The following DOCK7 variants were observed in gnomAD, a reference collection of about 807,000 sequenced individuals.
The protein encoded by DOCK7 is dedicator of cytokinesis 7.
In DOCK7, 138 loss-of-function variants were observed where a neutral mutation model predicts 271.0. The ratio of observed to expected loss-of-function variants is 0.51; its 90% CI spans 0.44 to 0.59. The LOEUF (loss-of-function observed/expected upper bound fraction) is 0.59. Among genes scored for constraint, DOCK7 ranks in the 20% least tolerant of loss-of-function variants. The pLI is 0.00. For missense variants in DOCK7, 2,066 were observed against 2,592.4 expected (o/e 0.80, Z 4.41); for synonymous variants, 823 against 876.1 (o/e 0.94, Z 1.07).
intron 14 of DOCK7, chr1:62,607,871 CAG>C (rs1651225872): frequency 6.6e-6 from 1 of 152,104 alleles, no homozygotes; most frequent in Non-Finnish European, 1.5e-5. Context: ...TGCTTGAACC[CAG>C]GAGTCCAAGA....
At chr1:62,593,933 T>C (rs1398761017) in intron 14 of DOCK7, among the ~76,000 whole-genome samples, 1 of 152,170 alleles carries the variant, frequency 6.6e-6, no homozygotes, top group African/African-American at 2.4e-5. Flanking sequence ...TTGAAAGACA[T>C]ATCTCCATAA....
At chr1:62,667,986 C>T (rs1224320517) in intron 1 of DOCK7, among the ~76,000 whole-genome samples, 1 of 152,118 alleles carries the variant, frequency 6.6e-6, no homozygotes. Flanking sequence ...TGCCACTACA[C>T]TCCAGCCTGG....
intron 22 of DOCK7, among the ~76,000 whole-genome samples, chr1:62,546,202 C>T (rs571523178): frequency 1.3e-5 from 2 of 152,178 alleles, no homozygotes; most frequent in East Asian, 1.9e-4. Context: ...AAATGTGCAG[C>T]GCCCTACCTT....
chr1:62,503,918 G>T (rs2149319094), intron 37 of DOCK7, among the ~76,000 whole-genome samples: 1 of 152,060 alleles, frequency 6.6e-6, no homozygotes, highest in Admixed American at 6.5e-5. Flanking sequence ...GTGGTGGCGG[G>T]CACCTGTAAT....
At chr1:62,503,535 T>C (rs1457243063) in intron 37 of DOCK7, among the ~76,000 whole-genome samples, 2 of 151,784 alleles carry the variant, frequency 1.3e-5, no homozygotes, top group Non-Finnish European at 2.9e-5. Context: ...ACTCCTGGGC[T>C]CAAAGGGATC....
chr1:62,647,824 AACTC>A, intron 6 of DOCK7, 48 bp from the exon 7 acceptor site: 1 of 1,332,056 alleles, frequency 7.5e-7, no homozygotes, highest in Non-Finnish European at 1.1e-6. Flanking sequence ...ATCATATTCC[AACTC>A]TTTATCTTTT....
chr1:62,544,285 C>T (rs1168020), intron 23 of DOCK7, among the ~76,000 whole-genome samples: 88,686 of 151,978 alleles, frequency 0.58, 27,542 homozygotes, highest in East Asian at 0.76. Flanking sequence ...CCCTCCAAAG[C>T]CAACACAGAT....
At chr1:62,670,350 T>C (rs1275798281) in intron 1 of DOCK7, among the ~76,000 whole-genome samples, 1 of 152,250 alleles carries the variant, frequency 6.6e-6, no homozygotes, top group Non-Finnish European at 1.5e-5. Context: ...CCAGCTGGGC[T>C]CCTGAGTCTG....
At chr1:62,457,485 C>T (rs1571159852) in intron 49 of DOCK7, 53 bp downstream of exon 49, 1 of 1,544,472 alleles carries the variant, frequency 6.5e-7, no homozygotes, top group East Asian at 2.2e-5. Context: ...ACTAGTTTAA[C>T]ATGTTAGGTT....
At chr1:62,466,068 A>G (rs1481895949) in intron 48 of DOCK7, among the ~76,000 whole-genome samples, 3 of 152,216 alleles carry the variant, frequency 2.0e-5, no homozygotes, top group Non-Finnish European at 2.9e-5. Context: ...AAATGCCAGT[A>G]AACAGGAGAG....
rs1651384067 is a variant in DOCK7 at position 62,608,864 on chromosome 1, T to TGG, written c.1682+9841_1682+9842insCC. 5.9e-5 allele frequency: 9 copies of TGG among 152,180 alleles called. No individual in the cohort carries two copies. The South Asian group carries it at 1.9e-3, about 32-fold the overall frequency. 9.4% of individuals were successfully genotyped at this position (152,180 alleles called of 1,614,324 possible). ...TCATGGAAGTCAACTAACTCATTCATTAATTTTAGAAATGGTATTCATTAA... is the reference window on the plus strand; with the variant it reads ...TCATGGAAGTCAACTAACTCATTCATGGTAATTTTAGAAATGGTATTCATTAA... On this transcript the variant is annotated intron_variant, in intron 14 of 49. Transcript: ENST00000635253.
At chr1:62,548,167 T>C (rs991720697) in intron 22 of DOCK7, among the ~76,000 whole-genome samples, 1 of 148,214 alleles carries the variant, frequency 6.7e-6, no homozygotes, top group Non-Finnish European at 1.5e-5. Flanking sequence ...AAAATCAACA[T>C]AAGAATAATT....
At chr1:62,675,591 G>T (rs994073280) in intron 1 of DOCK7, among the ~76,000 whole-genome samples, 4 of 151,984 alleles carry the variant, frequency 2.6e-5, no homozygotes, top group Admixed American at 6.6e-5. Context: ...GACCATCCTG[G>T]CTAATGTGGT....
rs563282649 is a variant in DOCK7, at chr1:62,668,033, AAAATAAAT to A, written c.39-4911_39-4904del. Reference sequence around the variant, plus strand: ...AGACTCCGTCTCAAAAAAACAAAATAAAATAAATAAATAAATAAATAGAAAGAAAACAA... The same window carrying A: ...AGACTCCGTCTCAAAAAAACAAAATAAAATAAATAAATAGAAAGAAAACAA... On this transcript the variant is annotated intron_variant, in intron 1 of 49. Coordinates refer to ENST00000635253, the MANE Select transcript of DOCK7 (RefSeq NM_001367561.1). 4.6e-5 allele frequency among the ~76,000 whole-genome samples: 7 copies of A among 152,210 alleles called. No homozygotes were observed. In the South Asian group the frequency reaches 1.2e-3, roughly 27 times the overall value.
In DOCK7 at chr1:62,513,078, G is replaced by A. The variant is rs1274879958; in HGVS notation, c.4282+366C>T. Among the ~76,000 whole-genome samples the A allele has an allele frequency of 3.3e-5, 5 of 152,024 alleles. No homozygotes were observed. The South Asian group carries it at 6.3e-4, about 19-fold the overall frequency. On this transcript the variant is annotated intron_variant, in intron 33 of 49. Coordinates refer to ENST00000635253, the MANE Select transcript of DOCK7 (RefSeq NM_001367561.1). ...GGCTACGCATACTAAGGGGTATATG[G>A]GAAATCTCTGTACCTTTGCTCACTT...
intron 18 of DOCK7, among the ~76,000 whole-genome samples, chr1:62,573,728 T>G (rs1293495137): frequency 1.3e-5 from 2 of 152,162 alleles, no homozygotes; most frequent in Admixed American, 1.3e-4. Flanking sequence ...CACTTAAAAT[T>G]AAAATGATAA....
chr1:62,636,435 CTA>C, intron 8 of DOCK7, 100 bp downstream of exon 8: 1 of 816,378 alleles, frequency 1.2e-6, no homozygotes, highest in South Asian at 1.8e-5. Context: ...TTAAAAAGAT[CTA>C]TGTTTAACAG....
chr1:62,610,530 A>G (rs1439794050), intron 14 of DOCK7, among the ~76,000 whole-genome samples: 2 of 152,044 alleles, frequency 1.3e-5, no homozygotes, highest in African/African-American at 4.8e-5. Flanking sequence ...GTTTTGTTAC[A>G]TAGGTATACA....
intron 33 of DOCK7, chr1:62,511,019 T>C: frequency 5.1e-6 from 1 of 196,252 alleles, no homozygotes; most frequent in Non-Finnish European, 1.0e-5. Context: ...CGCTTTCTGT[T>C]ATCCTTGCGA....
Sources: gnomAD v4.1 joint callset for allele counts (sites outside exome capture counted in the v4.1 genomes callset) on GRCh38, gnomAD v4.1.1 for gene constraint, MANE v1.5 for transcripts, NCBI Gene and HGNC (gene_info 2026-07-23, HGNC 2026-07-21) for gene names.